RYK: variants seen among roughly 807,000 people sequenced by gnomAD.
The protein encoded by RYK is inactive tyrosine-protein kinase RYK.
In RYK, 21 loss-of-function variants were observed where a neutral mutation model predicts 70.2. The ratio of observed to expected loss-of-function variants is 0.30; its 90% CI spans 0.21 to 0.43. RYK has a LOEUF of 0.43. Among genes scored for constraint, RYK ranks in the 20% least tolerant of loss-of-function variants. RYK has a pLI of 1.00. For missense variants in RYK, 604 were observed against 753.3 expected, an observed-to-expected ratio of 0.80 and a Z score of 2.32; for synonymous variants, 267 against 278.0, an observed-to-expected ratio of 0.96 and a Z score of 0.39.
intron 1 of RYK, among the ~76,000 whole-genome samples, chr3:134,227,293 A>G (rs1304536867): frequency 1.3e-5 from 2 of 152,196 alleles, no homozygotes; most frequent in African/African-American, 4.8e-5. Flanking sequence ...AAGTGGAGAG[A>G]CATACTGTAC....
chr3:134,169,129 T>C (rs1208514582), intron 13 of RYK, among the ~76,000 whole-genome samples: 1 of 152,234 alleles, frequency 6.6e-6, no homozygotes, highest in Admixed American at 6.5e-5. Context: ...AAAGGATCTC[T>C]TCACTGCCAT....
intron 13 of RYK, among the ~76,000 whole-genome samples, chr3:134,171,825 C>A (rs1402812149): frequency 6.6e-6 from 1 of 151,942 alleles, no homozygotes; most frequent in Non-Finnish European, 1.5e-5. Context: ...TATGACTGTA[C>A]CACTGCACTC....
chr3:134,200,692 G>A (rs1451181190), intron 6 of RYK, among the ~76,000 whole-genome samples: 2 of 152,184 alleles, frequency 1.3e-5, no homozygotes, highest in Non-Finnish European at 2.9e-5. Context: ...CTGCTTTACA[G>A]AGGAGAACTG....
chr3:134,248,883 C>T (rs1182794757), intron 1 of RYK, among the ~76,000 whole-genome samples: 1 of 152,082 alleles, frequency 6.6e-6, no homozygotes, highest in Non-Finnish European at 1.5e-5. Flanking sequence ...TGCCACCTAC[C>T]TCACTGGGCC....
chr3:134,164,365 A>C (rs1202878993), intron 13 of RYK, among the ~76,000 whole-genome samples: 3 of 152,236 alleles, frequency 2.0e-5, no homozygotes, highest in Non-Finnish European at 2.9e-5. Flanking sequence ...GATAAGGAGC[A>C]TATCTATCAC....
intron 6 of RYK, among the ~76,000 whole-genome samples, chr3:134,201,455 G>A (rs1014594256): frequency 6.6e-6 from 1 of 152,124 alleles, no homozygotes; most frequent in African/African-American, 2.4e-5. Flanking sequence ...ACTGGAAAAA[G>A]CTTACATTCT....
chr3:134,223,312 C>T (rs946526762), intron 1 of RYK, among the ~76,000 whole-genome samples: 4 of 152,190 alleles, frequency 2.6e-5, no homozygotes, highest in African/African-American at 9.7e-5. Flanking sequence ...ATCTTCCATA[C>T]GTATCAGGAT....
rs776608095 is a variant in RYK, at chr3:134,159,212, T to C, written c.1712+25A>G. Reference sequence around the variant, plus strand: ...AATATAGTAAATGGAATAAAACTCATGCCTTCAAGCTCAAAAAAACTCACA... The same window carrying C: ...AATATAGTAAATGGAATAAAACTCACGCCTTCAAGCTCAAAAAAACTCACA... On this transcript the variant is annotated intron_variant, in intron 14 of 14. Transcript: ENST00000623711. The C allele has an allele frequency of 5.0e-6, 8 of 1,612,570 alleles. No individual in the cohort carries two copies. The Admixed American group carries it at 6.7e-5, about 13-fold the overall frequency.
intron 13 of RYK, among the ~76,000 whole-genome samples, chr3:134,159,848 C>G (rs541060818): frequency 6.6e-6 from 1 of 152,166 alleles, no homozygotes; most frequent in African/African-American, 2.4e-5. Flanking sequence ...AAAAAAACTT[C>G]CAACCTTGCT....
intron 6 of RYK, among the ~76,000 whole-genome samples, chr3:134,199,479 C>G (rs1172830432): frequency 6.6e-6 from 1 of 152,200 alleles, no homozygotes; most frequent in Non-Finnish European, 1.5e-5. Context: ...CTGCCCTGCT[C>G]CTAGAAGAGC....
At chr3:134,245,003 C>G (rs1309482609) in intron 1 of RYK, among the ~76,000 whole-genome samples, 1 of 152,176 alleles carries the variant, frequency 6.6e-6, no homozygotes, top group African/African-American at 2.4e-5. Flanking sequence ...ATCAAATCTA[C>G]CAAAGCCTTG....
intron 1 of RYK, among the ~76,000 whole-genome samples, chr3:134,239,620 G>A (rs80119192): frequency 0.046 from 7,038 of 152,240 alleles, 198 homozygotes; most frequent in East Asian, 0.13. Context: ...TAAGGCACAG[G>A]ATAGTGAATT....
intron 6 of RYK, among the ~76,000 whole-genome samples, chr3:134,196,582 AACACACACACACACAC>A (rs57185535): frequency 2.4e-4 from 31 of 128,496 alleles, no homozygotes; most frequent in East Asian, 1.3e-3. Context: ...TCTGAAACAA[AACACACACACACACAC>A]ACACACACAC....
intron 5 of RYK, among the ~76,000 whole-genome samples, chr3:134,206,668 G>C (rs1164074846): frequency 6.6e-6 from 1 of 152,090 alleles, no homozygotes; most frequent in African/African-American, 2.4e-5. Flanking sequence ...TTTTAAAGGA[G>C]ATCTACACTG....
intron 6 of RYK, among the ~76,000 whole-genome samples, chr3:134,199,503 T>G (rs2013919452): frequency 6.6e-6 from 1 of 152,224 alleles, no homozygotes; most frequent in Admixed American, 6.5e-5. Flanking sequence ...CCTGAAAAAG[T>G]TATTTAATCT....
chr3:134,191,654 T>C (rs896195043), intron 8 of RYK, among the ~76,000 whole-genome samples, 195 bp downstream of exon 8: 3 of 152,104 alleles, frequency 2.0e-5, no homozygotes, highest in Non-Finnish European at 2.9e-5. Context: ...AATCAAGAAC[T>C]GCACCAAAGT....
intron 9 of RYK, among the ~76,000 whole-genome samples, chr3:134,183,664 A>T (rs563392026): frequency 2.0e-5 from 3 of 152,344 alleles, no homozygotes; most frequent in Non-Finnish European, 4.4e-5. Flanking sequence ...TTTGAAATGC[A>T]GATATACCTT....
At chr3:134,238,102 G>A (rs2107694075) in intron 1 of RYK, among the ~76,000 whole-genome samples, 1 of 152,246 alleles carries the variant, frequency 6.6e-6, no homozygotes, top group South Asian at 2.1e-4. Context: ...TCTAGCTGTG[G>A]TCATATTATG....
chr3:134,173,216 G>A (rs1020464248), intron 13 of RYK, among the ~76,000 whole-genome samples: 1 of 151,850 alleles, frequency 6.6e-6, no homozygotes, highest in Non-Finnish European at 1.5e-5. Flanking sequence ...AGGAGGCGGA[G>A]GTTGCACTGA....
Sources: allele counts gnomAD v4.1 joint callset (sites outside exome capture counted in the v4.1 genomes callset), GRCh38; gene constraint gnomAD v4.1.1; transcripts MANE v1.5; gene names NCBI Gene and HGNC (gene_info 2026-07-23, HGNC 2026-07-21).